The following IFT57 variants were observed in gnomAD, a reference collection of about 807,000 sequenced individuals.
The protein encoded by IFT57 is intraflagellar transport protein 57 homolog.
IFT57 carries 59 observed loss-of-function variants against 56.8 expected under a neutral mutation model. That is an observed-to-expected ratio of 1.04 (90% CI 0.84 to 1.29). The LOEUF (loss-of-function observed/expected upper bound fraction) is 1.29. IFT57 is among the 50% of genes most tolerant of loss of function. The pLI, the probability that IFT57 is intolerant of heterozygous loss-of-function variation, is 0.00. For missense variants in IFT57, 470 were observed against 522.1 expected (o/e 0.90, Z 0.97); for synonymous variants, 209 against 186.1 (o/e 1.12, Z -1.00).
intron 4 of IFT57, among the ~76,000 whole-genome samples, chr3:108,213,304 T>C (rs1211871563): frequency 2.0e-5 from 3 of 152,018 alleles, no homozygotes; most frequent in Non-Finnish European, 4.4e-5. Context: ...GTTTGTTTTT[T>C]CCCCCAACCA....
At chr3:108,216,970 G>T (rs1288528157) in intron 3 of IFT57, among the ~76,000 whole-genome samples, 1 of 152,044 alleles carries the variant, frequency 6.6e-6, no homozygotes, top group Non-Finnish European at 1.5e-5. Flanking sequence ...GTCAAAGTGG[G>T]TGAGTACAAA....
At chr3:108,196,881 A>G (rs2080247384) in intron 5 of IFT57, among the ~76,000 whole-genome samples, 1 of 152,206 alleles carries the variant, frequency 6.6e-6, no homozygotes, top group Non-Finnish European at 1.5e-5. Flanking sequence ...AACTTGATAC[A>G]TTAACTGAGC....
chr3:108,215,745 C>T (rs574227127), intron 3 of IFT57, among the ~76,000 whole-genome samples: 3 of 152,224 alleles, frequency 2.0e-5, no homozygotes, highest in South Asian at 2.1e-4. Context: ...CTATATGTAA[C>T]GTCTATCTCA....
At chr3:108,206,549 G>A (rs3213994) in intron 5 of IFT57, 79 bp downstream of exon 5, 50,793 of 581,002 alleles carry the variant, frequency 0.087, 6,911 homozygotes, top group East Asian at 0.57. Flanking sequence ...GGCCAACAAC[G>A]GTTTCTACTC....
intron 5 of IFT57, among the ~76,000 whole-genome samples, chr3:108,195,563 T>A (rs577111768): frequency 1.3e-5 from 2 of 152,322 alleles, no homozygotes; most frequent in African/African-American, 2.4e-5. Context: ...AGATAGGGAA[T>A]CAACCTAAGT....
rs1233947913 is a variant in IFT57, at chr3:108,221,721, G to GA, written c.212+389dup. Among the ~76,000 whole-genome samples the GA allele has an allele frequency of 1.3e-3, 6 of 4,478 alleles. 1 individual carries two copies. In the East Asian group the frequency reaches 0.43, roughly 320 times the overall value. 2.9% of individuals were successfully genotyped at this position (4,478 alleles called of 152,430 possible). The stretch of plus-strand genomic sequence containing the variant: ...GATAATGGCATTCCTCTCTGGAGGC[G>GA]AATTTTGGACGGTCTTATAATTTTT... On this transcript the variant is annotated intron_variant, in intron 1 of 10. Transcript: ENST00000264538.
intron 5 of IFT57, among the ~76,000 whole-genome samples, chr3:108,199,038 C>T (rs1460957561): frequency 6.6e-6 from 1 of 151,854 alleles, no homozygotes; most frequent in African/African-American, 2.4e-5. Flanking sequence ...TTCCATATAC[C>T]CTTCATTCAG....
chr3:108,191,905 G>C (rs2080217108), intron 5 of IFT57, among the ~76,000 whole-genome samples: 1 of 152,128 alleles, frequency 6.6e-6, no homozygotes, highest in Non-Finnish European at 1.5e-5. Flanking sequence ...TGAGACATCA[G>C]ATTGAACTCA....
At chr3:108,217,123 A>G (rs1251690518) in intron 3 of IFT57, among the ~76,000 whole-genome samples, 1 of 152,212 alleles carries the variant, frequency 6.6e-6, no homozygotes, top group East Asian at 1.9e-4. Flanking sequence ...ATAAAATGAT[A>G]AACGTTTGAA....
chr3:108,205,609 T>G (rs1167228941), intron 5 of IFT57, among the ~76,000 whole-genome samples: 1 of 150,780 alleles, frequency 6.6e-6, no homozygotes, highest in Admixed American at 6.6e-5. Context: ...GTCAAGGAAA[T>G]CTTCATGATA....
chr3:108,215,567 T>TA (rs200456677), intron 3 of IFT57, among the ~76,000 whole-genome samples: 2,486 of 152,094 alleles, frequency 0.016, 74 homozygotes, highest in African/African-American at 0.057. Context: ...TCAATCATGT[T>TA]AAAAAAATAC....
chr3:108,216,335 A>G (rs1052673829), intron 3 of IFT57, among the ~76,000 whole-genome samples: 3 of 152,210 alleles, frequency 2.0e-5, no homozygotes, highest in African/African-American at 4.8e-5. Context: ...ACATTTCTCA[A>G]AAAATACATA....
intron 6 of IFT57, among the ~76,000 whole-genome samples, chr3:108,188,842 C>T (rs1009399873): frequency 1.3e-5 from 2 of 152,118 alleles, no homozygotes; most frequent in African/African-American, 4.8e-5. Flanking sequence ...TAAGTTACTC[C>T]TATTAATGCA....
chr3:108,168,210 T>G (rs533111809), intron 6 of IFT57, among the ~76,000 whole-genome samples: 1 of 152,092 alleles, frequency 6.6e-6, no homozygotes, highest in South Asian at 2.1e-4. Flanking sequence ...ACAATTATGT[T>G]TGCCAAAAGC....
At chr3:108,207,953 G>A (rs1025191991) in intron 4 of IFT57, among the ~76,000 whole-genome samples, 10 of 151,190 alleles carry the variant, frequency 6.6e-5, no homozygotes, top group Admixed American at 1.3e-4. Flanking sequence ...TGAGGCAGGA[G>A]AATAGCATGA....
chr3:108,165,369 G>T, intron 9 of IFT57, 62 bp downstream of exon 9: 1 of 1,333,412 alleles, frequency 7.5e-7, no homozygotes, highest in Non-Finnish European at 1.1e-6. Context: ...ACCATTTGTA[G>T]GTTCTCAATG....
intron 2 of IFT57, among the ~76,000 whole-genome samples, 163 bp downstream of exon 2, chr3:108,219,247 G>A (rs2080391433): frequency 6.6e-6 from 1 of 151,980 alleles, no homozygotes; most frequent in South Asian, 2.1e-4. Flanking sequence ...ATTTTCAGAA[G>A]TGACATTAAC....
chr3:108,199,188 A>G (rs962280685), intron 5 of IFT57, among the ~76,000 whole-genome samples: 2 of 152,196 alleles, frequency 1.3e-5, no homozygotes, highest in Admixed American at 6.5e-5. Context: ...CATTTTTTAA[A>G]AAAACCCACG....
chr3:108,206,724 T>C (rs1175529565), intron 4 of IFT57, 28 bp from the exon 5 acceptor site: 1 of 759,670 alleles, frequency 1.3e-6, no homozygotes, highest in Non-Finnish European at 1.9e-6. Flanking sequence ...TAAAAAATTA[T>C]TAAAAATTAT....
Sources: gnomAD v4.1 joint callset for allele counts (sites outside exome capture counted in the v4.1 genomes callset) on GRCh38, gnomAD v4.1.1 for gene constraint, MANE v1.5 for transcripts, NCBI Gene and HGNC (gene_info 2026-07-23, HGNC 2026-07-21) for gene names.